The following INPP5D variants were observed in gnomAD, a reference collection of about 807,000 sequenced individuals.
INPP5D encodes the protein phosphatidylinositol 3,4,5-trisphosphate 5-phosphatase 1.
In INPP5D, 33 loss-of-function variants were observed where a neutral mutation model predicts 122.9. That is an observed-to-expected ratio of 0.27 (90% CI 0.20 to 0.36). The LOEUF (loss-of-function observed/expected upper bound fraction) is 0.36, where lower values mean the gene tolerates loss of function less well. INPP5D is among the 10% of genes least tolerant of loss of function. The pLI, the probability that INPP5D is intolerant of heterozygous loss-of-function variation, is 1.00. For missense variants in INPP5D, 1,053 were observed against 1,412.7 expected (o/e 0.75, Z 4.08); for synonymous variants, 584 against 576.2 (o/e 1.01, Z -0.19).
chr2:233,126,556 G>A (rs1693166346), intron 4 of INPP5D, among the ~76,000 whole-genome samples: 1 of 152,166 alleles, frequency 6.6e-6, no homozygotes, highest in South Asian at 2.1e-4. Flanking sequence ...TTATCAAATA[G>A]CCGAATATCC....
chr2:233,141,268 T>A (rs1348506244), intron 6 of INPP5D: 1 of 152,064 alleles, frequency 6.6e-6, no homozygotes, highest in Non-Finnish European at 1.5e-5. Context: ...AAAAAAACAT[T>A]GAAAATCACA....
intron 9 of INPP5D, among the ~76,000 whole-genome samples, chr2:233,148,720 G>T (rs977730576): frequency 6.6e-6 from 1 of 152,018 alleles, no homozygotes; most frequent in African/African-American, 2.4e-5. Flanking sequence ...GTGGCCAATG[G>T]GTTCCCCCGA....
At chr2:233,144,097 A>G (rs1268984692) in intron 6 of INPP5D, among the ~76,000 whole-genome samples, 26 of 98,900 alleles carry the variant, frequency 2.6e-4, no homozygotes, top group African/African-American at 7.1e-4. Flanking sequence ...GTGTGGAGAT[A>G]GTGGTAGTGA....
chr2:233,126,085 C>T (rs1448421706), intron 4 of INPP5D, among the ~76,000 whole-genome samples, 166 bp downstream of exon 4: 1 of 152,214 alleles, frequency 6.6e-6, no homozygotes, highest in Non-Finnish European at 1.5e-5. Flanking sequence ...GAGGCCTTTG[C>T]ACCATTGGCT....
intron 5 of INPP5D, among the ~76,000 whole-genome samples, chr2:233,137,079 A>C (rs1693482853): frequency 6.6e-6 from 1 of 152,232 alleles, no homozygotes; most frequent in Non-Finnish European, 1.5e-5. Flanking sequence ...CTTCAAGAAA[A>C]ATATGATTTA....
Position 233,170,215 on chromosome 2 carries a change from T to A in INPP5D, c.1791+51T>A. 6.3e-7 allele frequency: 1 copy of A among 1,590,208 alleles called. No homozygotes were observed. ...GGCTGGGGCTGTATGAGATGGAGGCTCCCTTGAGTCAGCTTGGGGCAGGTG... is the reference window on the plus strand; with the variant it reads ...GGCTGGGGCTGTATGAGATGGAGGCACCCTTGAGTCAGCTTGGGGCAGGTG... On this transcript the variant is annotated intron_variant, in intron 15 of 26. Transcript: ENST00000445964. This position sits in a 1 kb window ranked among gnomAD's most constrained non-coding sequence, Gnocchi z 4.5.
chr2:233,109,823 T>C (rs947584807), intron 2 of INPP5D, among the ~76,000 whole-genome samples: 3 of 150,286 alleles, frequency 2.0e-5, no homozygotes, highest in Admixed American at 6.6e-5. Context: ...CCTGACCTCA[T>C]GAACCACCCG....
At chr2:233,086,516 G>A (rs1278528096) in intron 2 of INPP5D, among the ~76,000 whole-genome samples, 1 of 152,064 alleles carries the variant, frequency 6.6e-6, no homozygotes, top group Non-Finnish European at 1.5e-5. Flanking sequence ...GCTGCCATAG[G>A]ATGTGATAGC....
In INPP5D at chr2:233,175,744, G is replaced by A. The variant is rs564492148; in HGVS notation, c.1990-1521G>A. Among the ~76,000 whole-genome samples the A allele has an allele frequency of 8.9e-4, 134 of 151,380 alleles. 1 individual carries two copies. The highest frequency in any genetic ancestry group is 1.6e-3 in the Non-Finnish European group (110 of 67,888). On this transcript the variant is annotated intron_variant, in intron 17 of 26. Transcript: ENST00000445964. ...ATTGCCCAGGCTGGAGTGCAGTGGC[G>A]CAATCTCAGCACACCACAACCTCCA...
intron 24 of INPP5D, 133 bp downstream of exon 24, chr2:233,195,628 T>G (rs1248197460): frequency 6.9e-7 from 1 of 1,449,604 alleles, no homozygotes; most frequent in East Asian, 2.5e-5. Context: ...TGGAGGATCA[T>G]TTGAGCCTAG....
intron 2 of INPP5D, among the ~76,000 whole-genome samples, chr2:233,084,701 G>C (rs1014008996): frequency 6.6e-6 from 1 of 152,220 alleles, no homozygotes; most frequent in East Asian, 1.9e-4. Flanking sequence ...TAAAGATTCC[G>C]TCTGAGCCGC....
At chr2:233,153,591 A>G (rs139326470) in intron 9 of INPP5D, among the ~76,000 whole-genome samples, 77,378 of 152,018 alleles carry the variant, frequency 0.51, 20,355 homozygotes, top group East Asian at 0.67. Flanking sequence ...GGGCTCAGGA[A>G]CTGAGAGCCT....
chr2:233,179,177 T>A (rs1357742151), intron 18 of INPP5D, among the ~76,000 whole-genome samples: 1 of 152,104 alleles, frequency 6.6e-6, no homozygotes, highest in Non-Finnish European at 1.5e-5. Flanking sequence ...GCCAGGGCAT[T>A]GTTCCAGCTT....
At chr2:233,138,815 G>T (rs912199929) in intron 5 of INPP5D, among the ~76,000 whole-genome samples, 1 of 151,810 alleles carries the variant, frequency 6.6e-6, no homozygotes, top group Non-Finnish European at 1.5e-5. Flanking sequence ...GTGCGATCTC[G>T]GCTCACTGCA....
intron 2 of INPP5D, among the ~76,000 whole-genome samples, chr2:233,079,790 C>T (rs954452033): frequency 2.6e-5 from 4 of 152,112 alleles, no homozygotes; most frequent in South Asian, 2.1e-4. Flanking sequence ...GAGAACAGAC[C>T]GTGTTTTCTG....
rs1428579046 is a variant in INPP5D at position 233,183,344 on chromosome 2, C to T, written c.2161+845C>T. On this transcript the variant is annotated intron_variant, in intron 19 of 26. Transcript: ENST00000445964. This position sits in a 1 kb window ranked among gnomAD's most constrained non-coding sequence, Gnocchi z 4.6. ...TGTCCTTCATGCCCTGGGGGACACA[C>T]GTGAGGCCGAAGCACTGTCTTCCTG... 4.6e-5 allele frequency among the ~76,000 whole-genome samples: 7 copies of T among 152,184 alleles called. No individual in the cohort carries two copies. Among genetic ancestry groups the T allele is most frequent in the South Asian group, 2.1e-4 (1 of 4,832 alleles).
chr2:233,189,991 G>A lies in INPP5D; in HGVS notation c.2446+54G>A, dbSNP rs752373346. The A allele has an allele frequency of 1.5e-4, 232 of 1,598,412 alleles. No individual in the cohort carries two copies. The highest frequency in any genetic ancestry group is 7.6e-4 in the African/African-American group (57 of 74,554). On this transcript the variant is annotated intron_variant, in intron 22 of 26. Coordinates refer to ENST00000445964, the MANE Select transcript of INPP5D (RefSeq NM_001017915.3). The surrounding 1 kb of genome is among the most constrained non-coding windows in gnomAD (Gnocchi z 5.6). Reference sequence around the variant, plus strand: ...TGCCTGTGAACTGGCGGCCTCTGACGTAGCATTGCCTTCAGGGGAGCTCAC... The same window carrying A: ...TGCCTGTGAACTGGCGGCCTCTGACATAGCATTGCCTTCAGGGGAGCTCAC...
chr2:233,168,643 T>A (rs934181232), intron 13 of INPP5D, among the ~76,000 whole-genome samples: 3 of 152,262 alleles, frequency 2.0e-5, no homozygotes, highest in African/African-American at 7.2e-5. Context: ...AGATGGTTTT[T>A]CTTTTGATTT....
At chr2:233,103,350 G>T (rs1398685292) in intron 2 of INPP5D, among the ~76,000 whole-genome samples, 2 of 152,198 alleles carry the variant, frequency 1.3e-5, no homozygotes, top group Non-Finnish European at 2.9e-5. Context: ...TGCCTAAATT[G>T]TACCTGATTA....
Sources: gnomAD v4.1 joint callset for allele counts (sites outside exome capture counted in the v4.1 genomes callset) on GRCh38, gnomAD v4.1.1 for gene constraint, Gnocchi (gnomAD v3.1) non-coding constraint, MANE v1.5 for transcripts, NCBI Gene and HGNC (gene_info 2026-07-23, HGNC 2026-07-21) for gene names.